Variants in CLTCL1 observed in about 807,000 individuals in gnomAD.
CLTCL1 encodes the protein clathrin heavy chain like 1.
A neutral mutation model predicts 190.0 loss-of-function variants in CLTCL1; 159 were observed. The observed-to-expected ratio is 0.84, with a 90% confidence interval of 0.74 to 0.95. The LOEUF is 0.95. Among genes scored for constraint, CLTCL1 ranks in the 40% least tolerant of loss-of-function variants. CLTCL1 has a pLI of 0.00. For missense variants in CLTCL1, 1,878 were observed against 2,033.4 expected (o/e 0.92, Z 1.47); for synonymous variants, 752 against 769.6 (o/e 0.98, Z 0.38).
At chr22:19,184,696 G>A in intron 29 of CLTCL1, 5 of 398,210 alleles carry the variant, frequency 1.3e-5, no homozygotes, top group South Asian at 9.0e-5. Context: ...GCCTAAAGTG[G>A]GCCCTGCTCT....
chr22:19,272,628 G>A (rs782164898), intron 2 of CLTCL1, among the ~76,000 whole-genome samples: 11 of 151,978 alleles, frequency 7.2e-5, no homozygotes, highest in Non-Finnish European at 1.5e-4. Flanking sequence ...ACGCCACCAC[G>A]CCCAGCTAAT....
In CLTCL1 at chr22:19,234,526, C is replaced by A. The variant is rs1555960879; in HGVS notation, c.1150G>T (p.Ala384Ser). The A allele has an allele frequency of 1.9e-6, 3 of 1,613,410 alleles. No individual in the cohort carries two copies. In the South Asian group the frequency reaches 3.3e-5, roughly 18 times the overall value. ...QGSYAEAAKVAASAPKGILRT... is the reference protein window; with the variant it reads ...QGSYAEAAKVSASAPKGILRT... ...TTTATCACCTTTGGTGCAGACGCTG[C>A]AACTTTGGCGGCTTCAGCATAGCTG... Residue 384 changes from alanine (A) to serine (S), a missense_variant, in exon 7 of 33, where the codon GCA (alanine) becomes TCA (serine). Coordinates refer to ENST00000427926, the MANE Select transcript of CLTCL1 (RefSeq NM_007098.4).
intron 18 of CLTCL1, among the ~76,000 whole-genome samples, chr22:19,219,385 ATG>A (rs1252431451): frequency 6.6e-6 from 1 of 151,674 alleles, no homozygotes; most frequent in Non-Finnish European, 1.5e-5. Flanking sequence ...GGGTTTCACT[ATG>A]TTGGCCAGGC....
At chr22:19,247,964 A>G (rs1363645852) in intron 3 of CLTCL1, among the ~76,000 whole-genome samples, 1 of 152,102 alleles carries the variant, frequency 6.6e-6, no homozygotes, top group African/African-American at 2.4e-5. Flanking sequence ...ATAGCCTTGT[A>G]TGTGGCCCAA....
At position 19,200,667 on chromosome 22, in the gene CLTCL1, C is replaced by A. The variant is rs373755682; in HGVS notation, c.3765+662G>T. 5.7e-4 allele frequency among the ~76,000 whole-genome samples: 87 copies of A among 152,126 alleles called. 1 individual carries two copies. The highest frequency in any genetic ancestry group is 2.0e-3 in the African/African-American group (83 of 41,522). On this transcript the variant is annotated intron_variant, in intron 23 of 32. Coordinates refer to ENST00000427926, the MANE Select transcript of CLTCL1 (RefSeq NM_007098.4). Reference sequence around the variant, plus strand: ...CATCCTGGCTAACATGGTGAAACCCCGACTCTACTAAAAAATACAAAAAAA... The same window carrying A: ...CATCCTGGCTAACATGGTGAAACCCAGACTCTACTAAAAAATACAAAAAAA...
intron 27 of CLTCL1, 113 bp downstream of exon 27, chr22:19,191,191 T>C: frequency 7.6e-7 from 1 of 1,310,958 alleles, no homozygotes; most frequent in Non-Finnish European, 1.1e-6. Flanking sequence ...CTGGTGAATC[T>C]TCAAGTCAGC....
At chr22:19,235,326 T>A (rs12329961) in intron 6 of CLTCL1, among the ~76,000 whole-genome samples, 9 of 152,232 alleles carry the variant, frequency 5.9e-5, no homozygotes, top group African/African-American at 2.2e-4. Flanking sequence ...TAAACTATTG[T>A]GCCCAGCCAA....
chr22:19,191,001 C>T (rs1479866194), intron 27 of CLTCL1, among the ~76,000 whole-genome samples: 1 of 152,114 alleles, frequency 6.6e-6, no homozygotes, highest in Non-Finnish European at 1.5e-5. Context: ...TGGTCTCGAT[C>T]TCCTGACCTC....
At chr22:19,207,788 C>T (rs1261967522) in intron 22 of CLTCL1, 9 of 583,154 alleles carry the variant, frequency 1.5e-5, no homozygotes, top group Admixed American at 2.9e-5. Flanking sequence ...ACAGCACACG[C>T]GAGGATCTGT....
chr22:19,235,020 A>G (rs1254475516), intron 6 of CLTCL1, among the ~76,000 whole-genome samples: 1 of 152,234 alleles, frequency 6.6e-6, no homozygotes, highest in Non-Finnish European at 1.5e-5. Flanking sequence ...TTTAAAGTAC[A>G]GAGTTTCTTT....
chr22:19,209,638 G>T (rs1280360514), intron 20 of CLTCL1, among the ~76,000 whole-genome samples: 10 of 152,190 alleles, frequency 6.6e-5, no homozygotes, highest in African/African-American at 2.2e-4. Context: ...GAGCCCATGA[G>T]GGGGCACAAA....
At chr22:19,210,745 A>G (rs2085194146) in intron 19 of CLTCL1, among the ~76,000 whole-genome samples, 1 of 152,174 alleles carries the variant, frequency 6.6e-6, no homozygotes, top group Non-Finnish European at 1.5e-5. Context: ...TGCCAATCAA[A>G]CCACTGGGAG....
intron 9 of CLTCL1, 42 bp from the exon 10 acceptor site, chr22:19,232,640 C>T (rs782553532): frequency 6.4e-7 from 1 of 1,573,368 alleles, no homozygotes; most frequent in South Asian, 1.2e-5. Context: ...CAATGAAAAA[C>T]CCTGGGCATT....
intron 2 of CLTCL1, among the ~76,000 whole-genome samples, chr22:19,255,220 A>G (rs1403852899): frequency 1.3e-5 from 2 of 152,236 alleles, no homozygotes; most frequent in Non-Finnish European, 2.9e-5. Context: ...AACTATTAGA[A>G]TTAATAGATG....
At chr22:19,180,934 C>A in intron 30 of CLTCL1, 128 bp from the exon 31 acceptor site, 1 of 784,920 alleles carries the variant, frequency 1.3e-6, no homozygotes, top group South Asian at 1.5e-5. Flanking sequence ...TGCACATGGG[C>A]AGATGTGGAG....
In CLTCL1 at chr22:19,179,912, T is replaced by A; in HGVS notation, c.*78A>T. The stretch of plus-strand genomic sequence containing the variant: ...AGTTGTACATTGGAGGCTGGCGAAG[T>A]TGGGAGCAGAGGCATATCCATAGGG... On this transcript the variant is annotated 3_prime_UTR_variant, in exon 33 of 33. Transcript: ENST00000427926. 1 of 462,260 alleles carries A rather than the reference T, an allele frequency of 2.2e-6. No individual in the cohort carries two copies. The highest frequency in any genetic ancestry group is 3.9e-6 in the Non-Finnish European group (1 of 256,346). 28.6% of individuals were successfully genotyped at this position (462,260 alleles called of 1,614,324 possible).
intron 23 of CLTCL1, among the ~76,000 whole-genome samples, chr22:19,200,748 A>G (rs2084856701): frequency 6.6e-6 from 1 of 152,216 alleles, no homozygotes; most frequent in Admixed American, 6.5e-5. Flanking sequence ...GAGCTGAGGC[A>G]GGAGAATGGT....
chr22:19,201,197 A>G (rs2084869121), intron 23 of CLTCL1, 132 bp downstream of exon 23: 1 of 1,094,314 alleles, frequency 9.1e-7, no homozygotes, highest in Non-Finnish European at 1.3e-6. Flanking sequence ...TAGAGACTCT[A>G]AGAATCCCAA....
At chr22:19,224,365 A>T (rs2085673260) in intron 13 of CLTCL1, among the ~76,000 whole-genome samples, 1 of 152,172 alleles carries the variant, frequency 6.6e-6, no homozygotes, top group Non-Finnish European at 1.5e-5. Context: ...CCACTGAGGT[A>T]ATCTGAAATG....
Sources: allele counts gnomAD v4.1 joint callset (sites outside exome capture counted in the v4.1 genomes callset), GRCh38; gene constraint gnomAD v4.1.1; transcripts MANE v1.5; gene names NCBI Gene and HGNC (gene_info 2026-07-23, HGNC 2026-07-21).